Variants in OPHN1 observed in about 807,000 individuals in gnomAD.
OPHN1 encodes oligophrenin 1.
Under a neutral mutation model 60.7 loss-of-function variants are expected in OPHN1, and 11 were observed. The ratio of observed to expected loss-of-function variants is 0.18; its 90% CI spans 0.11 to 0.30. The LOEUF is 0.30. OPHN1 is among the 10% of genes least tolerant of loss of function. The probability of loss-of-function intolerance (pLI) is 1.00; values close to 1 mark genes in which losing one functional copy is unlikely to be tolerated. For synonymous variants in OPHN1, 226 were observed against 222.6 expected, an observed-to-expected ratio of 1.02 and a Z score of -0.14; for missense variants, 449 against 611.0, an observed-to-expected ratio of 0.73 and a Z score of 2.80.
chrX:68,398,282 T>TCC (rs746192908), intron 2 of OPHN1, among the ~76,000 whole-genome samples: 4 of 112,103 alleles, frequency 3.6e-5, no homozygotes, highest in Non-Finnish European at 7.5e-5. Flanking sequence ...ATCCCCTTAT[T>TCC]CCACAGTGCC....
chrX:68,056,442 T>C (rs1001284258), intron 21 of OPHN1, among the ~76,000 whole-genome samples: 18 of 111,776 alleles, frequency 1.6e-4, no homozygotes, highest in African/African-American at 4.2e-4. Context: ...GAAATAATGA[T>C]AATACAGTGT....
intron 5 of OPHN1, among the ~76,000 whole-genome samples, chrX:68,239,538 C>T (rs1383338768): frequency 3.6e-5 from 4 of 111,309 alleles, no homozygotes; most frequent in African/African-American, 1.3e-4. Flanking sequence ...CACTTGCCTG[C>T]CCCCCTCCCG....
chrX:68,401,630 G>T (rs889996078), intron 2 of OPHN1, among the ~76,000 whole-genome samples: 12 of 112,014 alleles, frequency 1.1e-4, no homozygotes, highest in Non-Finnish European at 2.3e-4. Context: ...AACATCAGGA[G>T]ATGTAGATTG....
chrX:68,256,114 A>C, intron 5 of OPHN1, among the ~76,000 whole-genome samples: 1 of 111,377 alleles, frequency 9.0e-6, no homozygotes, highest in Middle Eastern at 4.6e-3. Flanking sequence ...GTCCAGCTTG[A>C]GGAGGTAGTG....
rs1205051309 is a variant in OPHN1 at position 68,043,301 on chromosome X, G to A, written c.*3871C>T. The A allele has an allele frequency of 5.1e-5, 4 of 79,060 alleles. No individual in the cohort carries two copies. Among genetic ancestry groups the A allele is most frequent in the Non-Finnish European group, 9.4e-5 (4 of 42,446 alleles). The allele number at this position is 79,060 out of a possible 1,213,427, so 6.5% of individuals were successfully genotyped here. A position where few individuals can be genotyped will look rare whatever the true frequency, so the allele number is the denominator to read the frequency against. The stretch of plus-strand genomic sequence containing the variant: ...ACACATTAGTGGGTGCAGCGCACCA[G>A]CATGGCACATGTATACATATGTAAC... On this transcript the variant is annotated 3_prime_UTR_variant, in exon 25 of 25. Coordinates refer to ENST00000355520, the MANE Select transcript of OPHN1 (RefSeq NM_002547.3).
intron 13 of OPHN1, among the ~76,000 whole-genome samples, 176 bp from the exon 14 acceptor site, chrX:68,194,128 C>A (rs2147457544): frequency 8.9e-6 from 1 of 112,176 alleles, no homozygotes; most frequent in Admixed American, 9.5e-5. Context: ...CATTTTAACT[C>A]TTATAACACA....
chrX:68,111,473 T>C, intron 18 of OPHN1, among the ~76,000 whole-genome samples: 1 of 112,544 alleles, frequency 8.9e-6, no homozygotes, highest in African/African-American at 3.2e-5. Flanking sequence ...TTTACCTGTG[T>C]TCATCCTAAT....
chrX:68,277,306 T>C (rs1180506608), intron 4 of OPHN1, among the ~76,000 whole-genome samples: 3 of 112,001 alleles, frequency 2.7e-5, no homozygotes, highest in African/African-American at 6.5e-5. Flanking sequence ...ACTGATCTGA[T>C]AGCAGGCAGA....
chrX:68,386,330 T>A (rs1315760856), intron 2 of OPHN1, among the ~76,000 whole-genome samples: 1 of 112,056 alleles, frequency 8.9e-6, no homozygotes, highest in Non-Finnish European at 1.9e-5. Context: ...TTTCTGATTT[T>A]TCTGGACACA....
In OPHN1 at chrX:68,274,742, G is replaced by C; in HGVS notation, c.380C>G (p.Thr127Ser). The change falls in exon 5 of 25, where the codon ACC becomes AGC. Residue 127 changes from threonine (T) to serine (S), a missense_variant. This residue lies in a region of OPHN1 where 99 missense variants were observed against 155.2 expected (regional missense o/e 0.64). Coordinates refer to ENST00000355520, the MANE Select transcript of OPHN1 (RefSeq NM_002547.3). ...ATGCATATACAGAAAATGTACCTTG[G>C]TGAAGCCTATTTGTTCCTTCCGGAA... The part of the protein sequence containing the change: ...ENFRKEQIGF[T>S]KERKKKFEKD... 1 of 1,192,396 alleles carries C rather than the reference G, an allele frequency of 8.4e-7. No homozygotes were observed. The highest frequency in any genetic ancestry group is 1.1e-6 in the Non-Finnish European group (1 of 878,844).
At chrX:68,261,691 A>G (rs1278726475) in intron 5 of OPHN1, among the ~76,000 whole-genome samples, 7 of 111,416 alleles carry the variant, frequency 6.3e-5, no homozygotes, top group Non-Finnish European at 9.4e-5. Flanking sequence ...AGAAGAAATT[A>G]GGAAAAAGGG....
chrX:68,261,941 T>G (rs1188824036), intron 5 of OPHN1, among the ~76,000 whole-genome samples: 1 of 111,345 alleles, frequency 9.0e-6, no homozygotes, highest in Admixed American at 9.6e-5. Flanking sequence ...AATGAAGGTG[T>G]GGTTGATGGG....
chrX:68,073,892 A>G (rs923261491), intron 19 of OPHN1, among the ~76,000 whole-genome samples: 3 of 112,514 alleles, frequency 2.7e-5, no homozygotes, highest in South Asian at 3.7e-4. Flanking sequence ...TTCTTTTATA[A>G]TTTCATGCCA....
chrX:68,404,254 G>A (rs1270229747), intron 2 of OPHN1, among the ~76,000 whole-genome samples: 3 of 108,454 alleles, frequency 2.8e-5, no homozygotes, highest in Non-Finnish European at 5.7e-5. Flanking sequence ...CCGCCTCCCA[G>A]GTTCAAGCGA....
intron 5 of OPHN1, among the ~76,000 whole-genome samples, chrX:68,235,043 A>C (rs750456734): frequency 2.7e-5 from 3 of 112,266 alleles, no homozygotes; most frequent in Non-Finnish European, 5.6e-5. Context: ...TTTCCAAAGA[A>C]ATAGGAACCT....
At chrX:68,312,065 A>C (rs1166225525) in intron 2 of OPHN1, among the ~76,000 whole-genome samples, 2 of 108,750 alleles carry the variant, frequency 1.8e-5, no homozygotes, top group Admixed American at 2.0e-4. Flanking sequence ...ATATAAGAAA[A>C]CAGGAAAATT....
intron 21 of OPHN1, among the ~76,000 whole-genome samples, chrX:68,062,322 A>G (rs757816980): frequency 1.8e-5 from 2 of 112,299 alleles, no homozygotes; most frequent in Admixed American, 1.9e-4. Flanking sequence ...TGTTGCTACT[A>G]CTCAATTCTG....
At chrX:68,114,014 G>A (rs2077116914) in intron 16 of OPHN1, among the ~76,000 whole-genome samples, 1 of 107,529 alleles carries the variant, frequency 9.3e-6, no homozygotes, top group Admixed American at 9.9e-5. Context: ...GCATTTACTT[G>A]TACCTGGCAT....
intron 15 of OPHN1, among the ~76,000 whole-genome samples, chrX:68,133,900 C>T (rs2077208546): frequency 9.0e-6 from 1 of 111,308 alleles, no homozygotes; most frequent in Admixed American, 9.6e-5. Context: ...CTTGGCCGGG[C>T]GCTGTGGCTC....
Sources: gnomAD v4.1 joint callset for allele counts (sites outside exome capture counted in the v4.1 genomes callset) on GRCh38, gnomAD v4.1.1 for gene constraint, gnomAD v4.1.1 regional missense constraint, MANE v1.5 for transcripts, NCBI Gene and HGNC (gene_info 2026-07-23, HGNC 2026-07-21) for gene names.